VDR: variants seen among roughly 807,000 people sequenced by gnomAD.
The protein encoded by VDR is vitamin D3 receptor.
A neutral mutation model predicts 39.7 loss-of-function variants in VDR; 19 were observed. The ratio of observed to expected loss-of-function variants is 0.48; its 90% CI spans 0.33 to 0.70. VDR has a LOEUF of 0.70. Ranked by LOEUF, VDR falls within the 30% of genes least tolerant of loss-of-function variation. The pLI, the probability that VDR is intolerant of heterozygous loss-of-function variation, is 0.02. For missense variants in VDR, 442 were observed against 570.5 expected (o/e 0.77, Z 2.29); for synonymous variants, 242 against 215.8 (o/e 1.12, Z -1.07).
chr12:47,855,960 G>A (rs1178692550), intron 6 of VDR, among the ~76,000 whole-genome samples, 159 bp from the exon 7 acceptor site: 1 of 152,156 alleles, frequency 6.6e-6, no homozygotes, highest in African/African-American at 2.4e-5. Flanking sequence ...GCTTCCCTCT[G>A]GGACTCTCTC....
intron 9 of VDR, 48 bp from the exon 10 acceptor site, chr12:47,845,053 C>T (rs1350000359): frequency 6.2e-7 from 1 of 1,602,238 alleles, no homozygotes; most frequent in Non-Finnish European, 8.5e-7. Flanking sequence ...CTCAGCTGGG[C>T]CCCTCACTGC....
In VDR at chr12:47,868,847, T is replaced by C. The variant is rs537647371; in HGVS notation, c.147-3670A>G. ...TGCTCTGTCCTCCCACTGGCTGTCT[T>C]GTCTGGCTCAGAGCTCTTCCTGTTA... On this transcript the variant is annotated intron_variant, in intron 3 of 9. Coordinates refer to ENST00000549336, the MANE Select transcript of VDR (RefSeq NM_000376.3). 2.0e-4 allele frequency among the ~76,000 whole-genome samples: 30 copies of C among 152,252 alleles called. 1 individual carries two copies. The highest frequency in any genetic ancestry group is 3.4e-3 in the Middle Eastern group (1 of 294).
At position 47,843,851 on chromosome 12, in the gene VDR, C is replaced by G. The variant is rs1357364906; in HGVS notation, c.*895G>C. On this transcript the variant is annotated 3_prime_UTR_variant, in exon 10 of 10. Coordinates refer to ENST00000549336, the MANE Select transcript of VDR (RefSeq NM_000376.3). ...GCGGCTCACTGCTTCTCCAGACCCT[C>G]TCCCCTGGGGAGGGGGTGGGGGAGC... 3 of 152,042 alleles carry G rather than the reference C, an allele frequency of 2.0e-5. No individual in the cohort carries two copies. The highest frequency in any genetic ancestry group is 4.4e-5 in the Non-Finnish European group (3 of 68,022). 9.4% of individuals were successfully genotyped at this position (152,042 alleles called of 1,614,324 possible). A position where few individuals can be genotyped will look rare whatever the true frequency, so the allele number is the denominator to read the frequency against.
intron 1 of VDR, among the ~76,000 whole-genome samples, chr12:47,899,557 T>C (rs1456210756): frequency 6.6e-6 from 1 of 152,266 alleles, no homozygotes; most frequent in African/African-American, 2.4e-5. Context: ...GTGTTTCTCC[T>C]GTTCTGCCAG....
intron 1 of VDR, among the ~76,000 whole-genome samples, chr12:47,884,114 G>A (rs1946211489): frequency 6.6e-6 from 1 of 152,130 alleles, no homozygotes; most frequent in African/African-American, 2.4e-5. Flanking sequence ...GATTCCTCAG[G>A]CTCCTTTCCT....
At chr12:47,884,646 T>C (rs1261827967) in intron 1 of VDR, among the ~76,000 whole-genome samples, 1 of 152,216 alleles carries the variant, frequency 6.6e-6, no homozygotes, top group Admixed American at 6.5e-5. Context: ...TGATTGTCTT[T>C]GGAGCTGGAT....
chr12:47,857,024 C>T, intron 6 of VDR, 105 bp downstream of exon 6: 1 of 1,561,452 alleles, frequency 6.4e-7, no homozygotes, highest in Admixed American at 1.7e-5. Context: ...TGTAAGTTTC[C>T]ATTAGGGAGC....
rs576892179 is a variant in VDR, at chr12:47,890,088, C to G, written c.-83-7314G>C. ...GGACCCATGTGGCAGGACCAAGCAA[C>G]TAGAACATGATTCAAAAAATCAGTG... On this transcript the variant is annotated intron_variant, in intron 1 of 9. Coordinates refer to ENST00000549336, the MANE Select transcript of VDR (RefSeq NM_000376.3). Among the ~76,000 whole-genome samples the G allele has an allele frequency of 7.0e-4, 106 of 151,896 alleles. 1 individual carries two copies. Among genetic ancestry groups the G allele is most frequent in the African/African-American group, 2.5e-3 (103 of 41,422 alleles).
At chr12:47,867,402 A>G (rs1027509548) in intron 3 of VDR, among the ~76,000 whole-genome samples, 1 of 99,494 alleles carries the variant, frequency 1.0e-5, no homozygotes, top group African/African-American at 3.7e-5. Flanking sequence ...CTTGTAGCCT[A>G]TGTAAGTTGT....
intron 3 of VDR, among the ~76,000 whole-genome samples, chr12:47,874,289 T>G (rs577594213): frequency 9.2e-5 from 14 of 152,234 alleles, no homozygotes; most frequent in Non-Finnish European, 1.6e-4. Context: ...TCTTGGTCAC[T>G]CATTTACTTG....
In VDR at chr12:47,880,761, G is replaced by C. The variant is rs187756485; in HGVS notation, c.-2-1646C>G. On this transcript the variant is annotated intron_variant, in intron 2 of 9. Coordinates refer to ENST00000549336, the MANE Select transcript of VDR (RefSeq NM_000376.3). The stretch of plus-strand genomic sequence containing the variant: ...CAATTACTTTTGAACTATCCTAATA[G>C]TAATAGTGACACTATTGCTAATTTC... 1.6e-4 allele frequency among the ~76,000 whole-genome samples: 24 copies of C among 151,396 alleles called. No individual in the cohort carries two copies. The East Asian group carries it at 3.1e-3, about 19-fold the overall frequency.
chr12:47,844,315 G>A lies in VDR; in HGVS notation c.*431C>T. On this transcript the variant is annotated 3_prime_UTR_variant, in exon 10 of 10. Transcript: ENST00000549336. Reference sequence around the variant, plus strand: ...TATTTATCGTGAGTAGGCAGGAGAGGGAGACCCCACTAGGCGCTGGACAAG... The same window carrying A: ...TATTTATCGTGAGTAGGCAGGAGAGAGAGACCCCACTAGGCGCTGGACAAG... 3.5e-6 allele frequency: 1 copy of A among 283,546 alleles called. No homozygotes were observed. Among genetic ancestry groups the A allele is most frequent in the Non-Finnish European group, 6.8e-6 (1 of 146,580 alleles). The allele number at this position is 283,546 out of a possible 1,614,324, so 17.6% of individuals were successfully genotyped here.
chr12:47,854,295 A>AT (rs537814408), intron 7 of VDR, among the ~76,000 whole-genome samples: 136 of 146,164 alleles, frequency 9.3e-4, no homozygotes, highest in South Asian at 1.7e-3. Flanking sequence ...CTAATTTATA[A>AT]TTTTTTTTTT....
chr12:47,885,378 C>T (rs949864539), intron 1 of VDR, among the ~76,000 whole-genome samples: 15 of 152,252 alleles, frequency 9.9e-5, no homozygotes, highest in African/African-American at 3.6e-4. Flanking sequence ...GCCTCTCCTA[C>T]ACGTCTGCCT....
intron 1 of VDR, among the ~76,000 whole-genome samples, chr12:47,886,440 T>C (rs758407446): frequency 6.6e-6 from 1 of 152,156 alleles, no homozygotes; most frequent in Non-Finnish European, 1.5e-5. Context: ...ATCCCCACCA[T>C]GTATCCATTT....
At chr12:47,878,771 A>G (rs1354064616) in intron 3 of VDR, 197 bp downstream of exon 3, 2 of 862,696 alleles carry the variant, frequency 2.3e-6, no homozygotes, top group Non-Finnish European at 3.7e-6. Context: ...AGAGAGTCAG[A>G]GGAACATCTG....
At chr12:47,867,237 C>A (rs920542928) in intron 3 of VDR, among the ~76,000 whole-genome samples, 1 of 152,018 alleles carries the variant, frequency 6.6e-6, no homozygotes, top group African/African-American at 2.4e-5. Context: ...GCCTATAGTC[C>A]CCGCTACTCG....
chr12:47,896,125 T>C (rs1445032138), intron 1 of VDR, among the ~76,000 whole-genome samples: 6 of 152,164 alleles, frequency 3.9e-5, no homozygotes, highest in African/African-American at 1.4e-4. Flanking sequence ...ATGAGAAAAA[T>C]AACACCACCT....
At chr12:47,859,923 TTTTCTTTCTTTC>T (rs778112133) in intron 4 of VDR, among the ~76,000 whole-genome samples, 49 of 50,974 alleles carry the variant, frequency 9.6e-4, no homozygotes, top group East Asian at 4.7e-3. Context: ...CCTTCTTTCT[TTTTCTTTCTTTC>T]TTTCTTTCTT....
Sources: allele counts gnomAD v4.1 joint callset (sites outside exome capture counted in the v4.1 genomes callset), GRCh38; gene constraint gnomAD v4.1.1; transcripts MANE v1.5; gene names NCBI Gene and HGNC (gene_info 2026-07-23, HGNC 2026-07-21).